Variants in WWOX observed in about 807,000 individuals in gnomAD.
WWOX encodes WW domain-containing oxidoreductase.
Under a neutral mutation model 46.2 loss-of-function variants are expected in WWOX, and 69 were observed. That is an observed-to-expected ratio of 1.49 (90% CI 1.23 to 1.82). The LOEUF (loss-of-function observed/expected upper bound fraction) is 1.82, where lower values mean the gene tolerates loss of function less well. Ranked by LOEUF, WWOX falls within the 40% of genes most tolerant of loss-of-function variation. The probability of loss-of-function intolerance (pLI) is 0.00; values close to 1 mark genes in which losing one functional copy is unlikely to be tolerated. For missense variants in WWOX, 919 were observed against 542.6 expected (o/e 1.69, Z -6.89); for synonymous variants, 359 against 202.6 (o/e 1.77, Z -6.56).
Position 79,099,373 on chromosome 16 carries a change from G to T in WWOX, c.1057-112235G>T, listed in dbSNP as rs17727813. Reference sequence around the variant, plus strand: ...AAAAAGAAAAACAATGTAAGGTCCCGTGACAATTAGCCTTACTGCCGGGGA... The same window carrying T: ...AAAAAGAAAAACAATGTAAGGTCCCTTGACAATTAGCCTTACTGCCGGGGA... On this transcript the variant is annotated intron_variant, in intron 8 of 8. Transcript: ENST00000566780. Among the ~76,000 whole-genome samples the T allele has an allele frequency of 8.5e-5, 13 of 152,274 alleles. No homozygotes were observed. The South Asian group carries it at 2.3e-3, about 27-fold the overall frequency.
intron 8 of WWOX, among the ~76,000 whole-genome samples, chr16:78,880,347 G>C (rs913771354): frequency 6.6e-6 from 1 of 152,118 alleles, no homozygotes; most frequent in Admixed American, 6.5e-5. Flanking sequence ...ACTGTCACCT[G>C]CTTTTAGCAT....
At chr16:78,306,000 C>G (rs764883687) in intron 5 of WWOX, among the ~76,000 whole-genome samples, 2 of 151,964 alleles carry the variant, frequency 1.3e-5, no homozygotes, top group African/African-American at 4.8e-5. Flanking sequence ...TTTACATGGG[C>G]AATCCACTTT....
chr16:78,854,128 C>A (rs989240966), intron 8 of WWOX, among the ~76,000 whole-genome samples: 1 of 152,124 alleles, frequency 6.6e-6, no homozygotes, highest in African/African-American at 2.4e-5. Flanking sequence ...CTTTGCCGAA[C>A]AGTTATTTCA....
chr16:79,168,091 A>G lies in WWOX; in HGVS notation c.1057-43517A>G, dbSNP rs2050629774. 2.6e-5 allele frequency among the ~76,000 whole-genome samples: 4 copies of G among 152,154 alleles called. No homozygotes were observed. In the South Asian group the frequency reaches 8.3e-4, roughly 32 times the overall value. ...CTTTTTTATGGCTGCATAGTATTCCACTGCATGGATATACCACATCTTGTT... is the reference window on the plus strand; with the variant it reads ...CTTTTTTATGGCTGCATAGTATTCCGCTGCATGGATATACCACATCTTGTT... On this transcript the variant is annotated intron_variant, in intron 8 of 8. Transcript: ENST00000566780.
intron 8 of WWOX, among the ~76,000 whole-genome samples, chr16:78,647,662 A>G (rs1421107189): frequency 6.6e-6 from 1 of 152,222 alleles, no homozygotes; most frequent in Non-Finnish European, 1.5e-5. Flanking sequence ...GCACATCAAC[A>G]TCAGACCATC....
intron 6 of WWOX, among the ~76,000 whole-genome samples, chr16:78,411,978 C>T (rs529323044): frequency 3.9e-5 from 6 of 152,170 alleles, no homozygotes; most frequent in Admixed American, 1.3e-4. Flanking sequence ...ATTGTATCAC[C>T]GAGTTGGTCC....
intron 5 of WWOX, among the ~76,000 whole-genome samples, chr16:78,246,887 A>G (rs1000529062): frequency 6.6e-6 from 1 of 151,992 alleles, no homozygotes; most frequent in African/African-American, 2.4e-5. Flanking sequence ...AGAGGAAATA[A>G]ATCCTTGGAC....
chr16:79,209,092 T>A (rs145637407), intron 8 of WWOX, among the ~76,000 whole-genome samples: 46 of 152,294 alleles, frequency 3.0e-4, no homozygotes, highest in Non-Finnish European at 5.9e-4. Flanking sequence ...AGATGGTAAA[T>A]CACCCCAAGC....
chr16:78,186,897 G>A (rs58924661), intron 5 of WWOX, among the ~76,000 whole-genome samples: 30,421 of 152,184 alleles, frequency 0.2, 3,091 homozygotes, highest in Middle Eastern at 0.23. Flanking sequence ...GATAGTCACA[G>A]CATAACAATC....
intron 8 of WWOX, among the ~76,000 whole-genome samples, chr16:78,741,155 T>C (rs1477425477): frequency 6.6e-6 from 1 of 151,998 alleles, no homozygotes; most frequent in East Asian, 1.9e-4. Context: ...AGTAGGAGAG[T>C]GAGTAGTTGT....
Position 78,432,562 on chromosome 16 carries a change from C to T in WWOX, c.866C>T (p.Ala289Val), listed in dbSNP as rs753894507. 193 of 1,614,052 alleles carry T rather than the reference C, an allele frequency of 1.2e-4. 2 individuals carry two copies. The South Asian group carries it at 1.9e-3, about 16-fold the overall frequency. The change falls in exon 8 of 9, where the codon GCG (alanine) becomes GTG (valine). Residue 289 changes from alanine to valine, a missense_variant. Coordinates refer to ENST00000566780, the MANE Select transcript of WWOX (RefSeq NM_016373.4). ...RLSPTKNDYWAMLAYNRSKLC... is the reference protein window; with the variant it reads ...RLSPTKNDYWVMLAYNRSKLC... ...TCTCCAACAAAAAACGACTATTGGGCGATGCTGGCTTATAACAGGTCCAAG... is the reference window on the plus strand; with the variant it reads ...TCTCCAACAAAAAACGACTATTGGGTGATGCTGGCTTATAACAGGTCCAAG...
chr16:79,076,829 G>A (rs1421343630), intron 8 of WWOX, among the ~76,000 whole-genome samples: 1 of 152,192 alleles, frequency 6.6e-6, no homozygotes, highest in African/African-American at 2.4e-5. Context: ...ACTGCTTAAC[G>A]CATGTGAATA....
intron 8 of WWOX, among the ~76,000 whole-genome samples, chr16:78,542,138 T>C (rs2151529087): frequency 6.6e-6 from 1 of 151,006 alleles, no homozygotes; most frequent in South Asian, 2.1e-4. Context: ...CAAATTTCTA[T>C]CGACACTAGA....
intron 8 of WWOX, among the ~76,000 whole-genome samples, chr16:78,608,839 G>A (rs951623653): frequency 3.3e-5 from 5 of 152,124 alleles, no homozygotes; most frequent in African/African-American, 9.7e-5. Context: ...AGCCTTTATA[G>A]AAATGACAAA....
rs570157242 is a variant in WWOX, at chr16:78,392,414, C to T, written c.605+5466C>T. On this transcript the variant is annotated intron_variant, in intron 6 of 8. Coordinates refer to ENST00000566780, the MANE Select transcript of WWOX (RefSeq NM_016373.4). ...AAGCTCAGGGCTCCCACCGATTGTA[C>T]ATTATGGTGAGTTGGATAACTATTT... is the stretch of plus-strand genomic sequence containing the variant. Among the ~76,000 whole-genome samples the T allele has an allele frequency of 2.6e-5, 4 of 152,194 alleles. No homozygotes were observed. The South Asian group carries it at 8.3e-4, about 32-fold the overall frequency.
chr16:78,347,042 C>G (rs4328453), intron 5 of WWOX, among the ~76,000 whole-genome samples: 44,393 of 117,208 alleles, frequency 0.38, 16,853 homozygotes, highest in African/African-American at 0.69. Flanking sequence ...CTCTTTCTTG[C>G]GTTTTTGTGG....
chr16:79,174,268 G>A (rs765915785), intron 8 of WWOX, among the ~76,000 whole-genome samples: 1 of 152,178 alleles, frequency 6.6e-6, no homozygotes, highest in African/African-American at 2.4e-5. Flanking sequence ...TTCCTTACCT[G>A]TCAGGCAGTT....
chr16:78,981,022 G>A (rs764094431), intron 8 of WWOX, among the ~76,000 whole-genome samples: 81 of 152,246 alleles, frequency 5.3e-4, no homozygotes, highest in Admixed American at 1.2e-3. Context: ...GCTGTGTTGC[G>A]TCATCATGGG....
At chr16:78,803,510 G>A (rs2050949879) in intron 8 of WWOX, among the ~76,000 whole-genome samples, 1 of 152,070 alleles carries the variant, frequency 6.6e-6, no homozygotes, top group Non-Finnish European at 1.5e-5. Flanking sequence ...GCAGTGGTGC[G>A]ATCACAGCTT....
Sources: gnomAD v4.1 joint callset for allele counts (sites outside exome capture counted in the v4.1 genomes callset) on GRCh38, gnomAD v4.1.1 for gene constraint, MANE v1.5 for transcripts, NCBI Gene and HGNC (gene_info 2026-07-23, HGNC 2026-07-21) for gene names.